Variants in PLGRKT observed in about 807,000 individuals in gnomAD.
The protein encoded by PLGRKT is plasminogen receptor (KT).
PLGRKT carries 22 observed loss-of-function variants against 18.5 expected under a neutral mutation model. The ratio of observed to expected loss-of-function variants is 1.19; its 90% CI spans 0.85 to 1.70. The LOEUF (loss-of-function observed/expected upper bound fraction) is 1.70. Ranked by LOEUF, PLGRKT falls within the 40% of genes most tolerant of loss-of-function variation. The probability of loss-of-function intolerance (pLI) is 0.00; values close to 1 mark genes in which losing one functional copy is unlikely to be tolerated. For missense variants in PLGRKT, 235 were observed against 174.4 expected, an observed-to-expected ratio of 1.35 and a Z score of -1.96; for synonymous variants, 72 against 52.8, an observed-to-expected ratio of 1.36 and a Z score of -1.58.
At chr9:5,369,637 CAT>C (rs1376695771) in intron 3 of PLGRKT, among the ~76,000 whole-genome samples, 1 of 152,250 alleles carries the variant, frequency 6.6e-6, no homozygotes, top group East Asian at 1.9e-4. Flanking sequence ...CACATGCACA[CAT>C]ATGTTTATTA....
intron 3 of PLGRKT, among the ~76,000 whole-genome samples, chr9:5,363,119 G>A (rs1470524323): frequency 6.6e-6 from 1 of 151,828 alleles, no homozygotes; most frequent in Non-Finnish European, 1.5e-5. Flanking sequence ...TAGAGCCAGC[G>A]GACCCCATAA....
intron 3 of PLGRKT, among the ~76,000 whole-genome samples, chr9:5,410,110 C>G (rs943954565): frequency 4.6e-5 from 7 of 152,020 alleles, no homozygotes; most frequent in African/African-American, 1.7e-4. Flanking sequence ...TATTACTGGC[C>G]TTAATTGTAC....
At chr9:5,381,760 G>C in intron 3 of PLGRKT, 1 of 385,130 alleles carries the variant, frequency 2.6e-6, no homozygotes. Flanking sequence ...CCTCTGTGTA[G>C]TAGGATTTTA....
intron 3 of PLGRKT, among the ~76,000 whole-genome samples, chr9:5,431,217 G>C (rs1430102339): frequency 6.6e-6 from 1 of 152,036 alleles, no homozygotes; most frequent in Non-Finnish European, 1.5e-5. Flanking sequence ...CTCTTATACT[G>C]ACTCTCATGC....
rs543372265 is a variant in PLGRKT, at chr9:5,385,582, T to G, written c.82-23694A>C. On this transcript the variant is annotated intron_variant, in intron 3 of 5. Transcript: ENST00000223864. ...TTTCCTTCTCACTTTCCTTTCCCAG[T>G]GGCTCACATACTTGCCACTCTTCAG... Among the ~76,000 whole-genome samples the G allele has an allele frequency of 2.7e-4, 41 of 151,932 alleles. No homozygotes were observed. The South Asian group carries it at 4.4e-3, about 16-fold the overall frequency.
chr9:5,429,005 T>C (rs528342369), intron 3 of PLGRKT, among the ~76,000 whole-genome samples: 1 of 152,172 alleles, frequency 6.6e-6, no homozygotes, highest in African/African-American at 2.4e-5. Flanking sequence ...CTTGATCACA[T>C]GTATATTGTG....
chr9:5,431,916 A>T lies in PLGRKT; in HGVS notation c.62T>A (p.Leu21His). ...ESMKNQKEFMLMNARLQLERQ... is the reference protein window; with the variant it reads ...ESMKNQKEFMHMNARLQLERQ... The stretch of plus-strand genomic sequence containing the variant: ...ACATACCTGAAGTCGAGCATTCATA[A>T]GCATGAACTCCTTTTGATTTTTCAT... Residue 21 changes from leucine to histidine, a missense_variant, in exon 3 of 6, where the codon CTT (leucine) becomes CAT (histidine). Physicochemically the swap from Leu to His is moderately conservative, Grantham distance 99. Transcript: ENST00000223864. 1 of 1,527,486 alleles carries T rather than the reference A, an allele frequency of 6.5e-7. No individual in the cohort carries two copies. 94.6% of individuals were successfully genotyped at this position (1,527,486 alleles called of 1,614,324 possible).
At chr9:5,364,601 A>C (rs1817341991) in intron 3 of PLGRKT, among the ~76,000 whole-genome samples, 1 of 152,200 alleles carries the variant, frequency 6.6e-6, no homozygotes, top group South Asian at 2.1e-4. Flanking sequence ...ACCTCAATGA[A>C]GGGTTGGGGG....
In PLGRKT at chr9:5,383,093, G is replaced by C. The variant is rs572523221; in HGVS notation, c.82-21205C>G. ...TCCAATGACAAATGTCCTTATAAAA[G>C]ACACACAGAGTAGAGAGGCCAGGTG... On this transcript the variant is annotated intron_variant, in intron 3 of 5. Coordinates refer to ENST00000223864, the MANE Select transcript of PLGRKT (RefSeq NM_018465.4). 2.6e-5 allele frequency among the ~76,000 whole-genome samples: 4 copies of C among 152,262 alleles called. No homozygotes were observed. The East Asian group carries it at 7.7e-4, about 29-fold the overall frequency.
At chr9:5,435,810 G>A (rs1818949098) in intron 2 of PLGRKT, among the ~76,000 whole-genome samples, 1 of 152,196 alleles carries the variant, frequency 6.6e-6, no homozygotes, top group African/African-American at 2.4e-5. Context: ...GTGAACCTCA[G>A]GTAAGAATGG....
chr9:5,435,845 G>C (rs1208812423), intron 2 of PLGRKT, among the ~76,000 whole-genome samples: 1 of 152,232 alleles, frequency 6.6e-6, no homozygotes, highest in Non-Finnish European at 1.5e-5. Flanking sequence ...TTACAGCCAG[G>C]ATTCCCAAGT....
intron 3 of PLGRKT, among the ~76,000 whole-genome samples, chr9:5,401,043 T>C (rs12000097): frequency 0.013 from 1,903 of 152,022 alleles, 75 homozygotes; most frequent in African/African-American, 0.044. Context: ...ATAATATTTT[T>C]ACTTTAAAAT....
At chr9:5,395,084 C>G (rs1237766640) in intron 3 of PLGRKT, among the ~76,000 whole-genome samples, 1 of 148,100 alleles carries the variant, frequency 6.8e-6, no homozygotes, top group African/African-American at 2.5e-5. Context: ...CTTAGATTTT[C>G]CTAGTGGTGA....
intron 3 of PLGRKT, among the ~76,000 whole-genome samples, chr9:5,414,702 C>T (rs1818426144): frequency 1.3e-5 from 2 of 152,164 alleles, no homozygotes; most frequent in African/African-American, 4.8e-5. Flanking sequence ...ATGCAAATAA[C>T]GTCCTCTGGT....
intron 3 of PLGRKT, among the ~76,000 whole-genome samples, chr9:5,380,597 C>T (rs62557751): frequency 0.052 from 7,862 of 152,050 alleles, 283 homozygotes; most frequent in African/African-American, 0.096. Flanking sequence ...CACCCTTTTC[C>T]TTCCCTGTTT....
intron 3 of PLGRKT, among the ~76,000 whole-genome samples, chr9:5,396,042 C>A (rs909377614): frequency 2.7e-5 from 4 of 150,200 alleles, no homozygotes; most frequent in African/African-American, 9.9e-5. Context: ...TACAGGTGCC[C>A]GCCAACATGC....
Position 5,418,884 on chromosome 9 carries a change from G to A in PLGRKT, c.81+13013C>T, listed in dbSNP as rs1227844422. 4 of 1,000,360 alleles carry A rather than the reference G, an allele frequency of 4.0e-6. No homozygotes were observed. Among genetic ancestry groups the A allele is most frequent in the Admixed American group, 1.8e-5 (1 of 55,974 alleles). The allele number at this position is 1,000,360 out of a possible 1,614,324, so 62.0% of individuals were successfully genotyped here. A position where few individuals can be genotyped will look rare whatever the true frequency, so the allele number is the denominator to read the frequency against. On this transcript the variant is annotated intron_variant, in intron 3 of 5. Transcript: ENST00000223864. This position sits in a 1 kb window ranked among gnomAD's most constrained non-coding sequence, Gnocchi z 4.2. ...GCTGGAGGCAAACTGAACAGCAGGT[G>A]TGCTTGCAATCCAGCAACTTGGCCT...
At chr9:5,361,712 C>T in intron 4 of PLGRKT, 46 bp downstream of exon 4, 1 of 1,567,558 alleles carries the variant, frequency 6.4e-7, no homozygotes, top group South Asian at 1.2e-5. Flanking sequence ...ATGGAAAACA[C>T]AAAAAGAAGT....
At chr9:5,369,023 A>G (rs977837529) in intron 3 of PLGRKT, among the ~76,000 whole-genome samples, 1 of 152,182 alleles carries the variant, frequency 6.6e-6, no homozygotes, top group African/African-American at 2.4e-5. Flanking sequence ...AACCTAGGCA[A>G]TACCATTCAG....
Sources: allele counts gnomAD v4.1 joint callset (sites outside exome capture counted in the v4.1 genomes callset), GRCh38; gene constraint gnomAD v4.1.1; non-coding constraint Gnocchi (gnomAD v3.1); transcripts MANE v1.5; gene names NCBI Gene and HGNC (gene_info 2026-07-23, HGNC 2026-07-21).